KCNJ3: variants seen among roughly 807,000 people sequenced by gnomAD.
The protein encoded by KCNJ3 is potassium inwardly rectifying channel subfamily J member 3, also known as G protein-activated inward rectifier potassium channel 1.
A neutral mutation model predicts 39.2 loss-of-function variants in KCNJ3; 4 were observed. The observed-to-expected ratio is 0.10, with a 90% CI of 0.05 to 0.23. The LOEUF (loss-of-function observed/expected upper bound fraction) is 0.23, where lower values mean the gene tolerates loss of function less well. Ranked by LOEUF, KCNJ3 falls within the 10% of genes least tolerant of loss-of-function variation. The pLI is 1.00. For missense variants in KCNJ3, 276 were observed against 634.9 expected (o/e 0.43, Z 6.08); for synonymous variants, 230 against 237.4 (o/e 0.97, Z 0.29).
intron 2 of KCNJ3, among the ~76,000 whole-genome samples, chr2:154,819,902 C>G (rs1465293018): frequency 7.9e-6 from 1 of 126,522 alleles, no homozygotes; most frequent in South Asian, 2.7e-4. Context: ...TTTAAGTTTT[C>G]CAGATTGGCA....
chr2:154,741,798 AATAC>A (rs1685658279), intron 2 of KCNJ3, among the ~76,000 whole-genome samples: 1 of 151,956 alleles, frequency 6.6e-6, no homozygotes, highest in Non-Finnish European at 1.5e-5. Context: ...AGCAGAAAAG[AATAC>A]ATACAATCAT....
chr2:154,769,773 C>T (rs1360642666), intron 2 of KCNJ3, among the ~76,000 whole-genome samples: 4 of 152,032 alleles, frequency 2.6e-5, no homozygotes, highest in Non-Finnish European at 4.4e-5. Flanking sequence ...ACCAGGTCCT[C>T]TTTGTACCTC....
At chr2:154,843,590 T>A (rs1267585250) in intron 2 of KCNJ3, among the ~76,000 whole-genome samples, 2 of 151,854 alleles carry the variant, frequency 1.3e-5, no homozygotes, top group Non-Finnish European at 2.9e-5. Context: ...AATGTAGATT[T>A]GATCTTTTCA....
At chr2:154,808,082 A>T (rs914603339) in intron 2 of KCNJ3, among the ~76,000 whole-genome samples, 23 of 142,250 alleles carry the variant, frequency 1.6e-4, no homozygotes, top group African/African-American at 4.1e-4. Context: ...GGGCATTTAA[A>T]TTTTTTTTTT....
intron 2 of KCNJ3, among the ~76,000 whole-genome samples, chr2:154,821,061 A>G (rs1687163902): frequency 6.6e-6 from 1 of 151,984 alleles, no homozygotes; most frequent in African/African-American, 2.4e-5. Flanking sequence ...TCTTAATTAT[A>G]CTCATTATTC....
intron 2 of KCNJ3, among the ~76,000 whole-genome samples, chr2:154,820,694 A>C (rs975812559): frequency 6.6e-6 from 1 of 152,168 alleles, no homozygotes; most frequent in South Asian, 2.1e-4. Flanking sequence ...ATTCCTTTTC[A>C]GAGAAGGTTT....
At chr2:154,849,623 A>G (rs1412848697) in intron 2 of KCNJ3, among the ~76,000 whole-genome samples, 2 of 152,138 alleles carry the variant, frequency 1.3e-5, no homozygotes, top group Non-Finnish European at 2.9e-5. Flanking sequence ...GCCTGTGGTT[A>G]TATTGTTTTT....
chr2:154,780,633 C>T (rs1030410818), intron 2 of KCNJ3, among the ~76,000 whole-genome samples: 10 of 152,022 alleles, frequency 6.6e-5, no homozygotes, highest in African/African-American at 2.4e-4. Context: ...CTCCTGAGTT[C>T]CAGCTCGCAC....
At chr2:154,750,200 C>T (rs185144512) in intron 2 of KCNJ3, among the ~76,000 whole-genome samples, 2 of 151,926 alleles carry the variant, frequency 1.3e-5, no homozygotes, top group African/African-American at 4.8e-5. Flanking sequence ...TAAGAGCTTC[C>T]TTATGTTTTA....
chr2:154,737,184 G>T (rs1685563054), intron 2 of KCNJ3, among the ~76,000 whole-genome samples: 1 of 152,182 alleles, frequency 6.6e-6, no homozygotes, highest in Non-Finnish European at 1.5e-5. Context: ...CACCCAGACA[G>T]AGAAGAAAAC....
At chr2:154,795,042 C>A (rs1188617555) in intron 2 of KCNJ3, among the ~76,000 whole-genome samples, 1 of 151,862 alleles carries the variant, frequency 6.6e-6, no homozygotes, top group Non-Finnish European at 1.5e-5. Context: ...ACCTGTAATA[C>A]TAAGGGGGAA....
At chr2:154,818,243 C>A (rs1687114630) in intron 2 of KCNJ3, among the ~76,000 whole-genome samples, 1 of 152,082 alleles carries the variant, frequency 6.6e-6, no homozygotes, top group African/African-American at 2.4e-5. Flanking sequence ...AATAACATAG[C>A]CTTCCTCAAT....
chr2:154,739,762 G>A (rs13418491), intron 2 of KCNJ3, among the ~76,000 whole-genome samples: 1,571 of 152,140 alleles, frequency 0.01, 19 homozygotes, highest in African/African-American at 0.035. Context: ...AGAATGAGAA[G>A]TGTGCACAAA....
intron 2 of KCNJ3, among the ~76,000 whole-genome samples, chr2:154,771,836 G>A (rs889007426): frequency 6.6e-6 from 1 of 152,190 alleles, no homozygotes; most frequent in African/African-American, 2.4e-5. Context: ...AACCTCAAGG[G>A]AGGAATTGAT....
intron 2 of KCNJ3, among the ~76,000 whole-genome samples, chr2:154,792,911 A>G (rs1686659525): frequency 6.6e-6 from 1 of 152,098 alleles, no homozygotes; most frequent in South Asian, 2.1e-4. Flanking sequence ...AGAAAGATAA[A>G]TGTTTATCAC....
intron 2 of KCNJ3, among the ~76,000 whole-genome samples, chr2:154,771,051 G>A (rs183199994): frequency 1.0e-3 from 159 of 151,714 alleles, no homozygotes; most frequent in African/African-American, 3.6e-3. Flanking sequence ...CACCATGCCC[G>A]GCTAATTTTT....
intron 2 of KCNJ3, among the ~76,000 whole-genome samples, chr2:154,838,540 C>T (rs571939229): frequency 1.3e-5 from 2 of 152,066 alleles, no homozygotes; most frequent in Admixed American, 6.6e-5. Flanking sequence ...GGATCCAGCA[C>T]GTATGTTTTT....
At chr2:154,833,357 A>T (rs954913039) in intron 2 of KCNJ3, among the ~76,000 whole-genome samples, 1 of 152,216 alleles carries the variant, frequency 6.6e-6, no homozygotes, top group Admixed American at 6.5e-5. Context: ...TAAATTTTTT[A>T]AACTTTAAAA....
chr2:154,750,902 C>T (rs1321239270), intron 2 of KCNJ3, among the ~76,000 whole-genome samples: 1 of 151,828 alleles, frequency 6.6e-6, no homozygotes, highest in Non-Finnish European at 1.5e-5. Context: ...TATTTTTCTC[C>T]AGAAAAACTG....
Sources: gnomAD v4.1 joint callset for allele counts (sites outside exome capture counted in the v4.1 genomes callset) on GRCh38, gnomAD v4.1.1 for gene constraint, MANE v1.5 for transcripts, NCBI Gene and HGNC (gene_info 2026-07-23, HGNC 2026-07-21) for gene names.